The following TRPC4AP variants were observed in gnomAD, a reference collection of about 807,000 sequenced individuals.
TRPC4AP encodes the protein short transient receptor potential channel 4-associated protein.
TRPC4AP carries 45 observed loss-of-function variants against 99.0 expected under a neutral mutation model. That is an observed-to-expected ratio of 0.45 (90% CI 0.36 to 0.58). The LOEUF is 0.58. Ranked by LOEUF, TRPC4AP falls within the 20% of genes least tolerant of loss-of-function variation. The pLI is 0.00. For missense variants in TRPC4AP, 879 were observed against 985.3 expected (o/e 0.89, Z 1.44); for synonymous variants, 408 against 385.8 (o/e 1.06, Z -0.67).
At chr20:35,014,920 A>C (rs1173515486) in intron 10 of TRPC4AP, among the ~76,000 whole-genome samples, 1 of 152,208 alleles carries the variant, frequency 6.6e-6, no homozygotes, top group Non-Finnish European at 1.5e-5. Flanking sequence ...CAAGCCTTCC[A>C]ATGTCCTGTT....
chr20:35,006,704 C>T (rs1042507848), intron 14 of TRPC4AP, 129 bp from the exon 15 acceptor site: 8 of 1,258,142 alleles, frequency 6.4e-6, no homozygotes, highest in Non-Finnish European at 7.6e-6. Flanking sequence ...TGTCTAGATT[C>T]TTGTCTGAGG....
chr20:35,039,361 A>G (rs1427499812), intron 7 of TRPC4AP, among the ~76,000 whole-genome samples: 1 of 152,226 alleles, frequency 6.6e-6, no homozygotes, highest in Non-Finnish European at 1.5e-5. Flanking sequence ...TGAAAAGCTA[A>G]TAAAAGCTAA....
At chr20:35,083,053 G>A (rs4911465) in intron 1 of TRPC4AP, among the ~76,000 whole-genome samples, 110,425 of 152,004 alleles carry the variant, frequency 0.73, 40,430 homozygotes, top group Middle Eastern at 0.83. Context: ...ATTGGTAAGG[G>A]TAAGATAAAA....
intron 2 of TRPC4AP, among the ~76,000 whole-genome samples, chr20:35,070,639 C>A (rs1249882737): frequency 1.3e-5 from 2 of 152,142 alleles, no homozygotes; most frequent in African/African-American, 4.8e-5. Context: ...ACCTTGTGAT[C>A]CACCCGCCTC....
intron 1 of TRPC4AP, among the ~76,000 whole-genome samples, chr20:35,090,223 G>A (rs1339748942): frequency 2.0e-5 from 3 of 149,156 alleles, no homozygotes; most frequent in Non-Finnish European, 4.4e-5. Flanking sequence ...GAAAGATGAA[G>A]GTCCCCATTT....
intron 2 of TRPC4AP, among the ~76,000 whole-genome samples, chr20:35,076,131 A>G (rs1437719359): frequency 6.6e-6 from 1 of 152,056 alleles, no homozygotes; most frequent in Non-Finnish European, 1.5e-5. Flanking sequence ...GGTCTTTTCT[A>G]TGCTGTTTAT....
chr20:35,027,427 C>T (rs1262610278), intron 8 of TRPC4AP, among the ~76,000 whole-genome samples: 2 of 152,178 alleles, frequency 1.3e-5, no homozygotes, highest in Non-Finnish European at 2.9e-5. Context: ...TGTTGCTATA[C>T]TTGGTGTGCT....
At chr20:35,010,454 G>A (rs2082609161) in intron 11 of TRPC4AP, among the ~76,000 whole-genome samples, 166 bp from the exon 12 acceptor site, 1 of 152,116 alleles carries the variant, frequency 6.6e-6, no homozygotes, top group South Asian at 2.1e-4. Context: ...CTGCAGGAGG[G>A]AACTCTGGGC....
At chr20:35,043,247 A>ATTTTT (rs1167449495) in intron 7 of TRPC4AP, among the ~76,000 whole-genome samples, 3 of 142,862 alleles carry the variant, frequency 2.1e-5, no homozygotes, top group Admixed American at 7.1e-5. Flanking sequence ...GCAATGAATA[A>ATTTTT]TTTTTTTTTT....
At chr20:35,088,979 A>C (rs2084962997) in intron 1 of TRPC4AP, among the ~76,000 whole-genome samples, 1 of 152,106 alleles carries the variant, frequency 6.6e-6, no homozygotes, top group Non-Finnish European at 1.5e-5. Context: ...GCAAGATGAA[A>C]AAGTTCTGGA....
At chr20:35,014,633 T>C (rs767726805) in intron 10 of TRPC4AP, among the ~76,000 whole-genome samples, 28 of 152,058 alleles carry the variant, frequency 1.8e-4, no homozygotes, top group Non-Finnish European at 3.7e-4. Flanking sequence ...ACAGAACATC[T>C]AGAAATGCAA....
chr20:35,035,218 A>G lies in TRPC4AP; in HGVS notation c.956T>C (p.Leu319Pro). The change falls in exon 8 of 19, where the codon CTT becomes CCT. Residue 319 changes from leucine to proline, a missense_variant. By Grantham distance (98) the Leu-to-Pro change is moderately conservative. This residue lies in a region of TRPC4AP where 603 missense variants were observed against 631.8 expected (regional missense o/e 0.95). Coordinates refer to ENST00000252015, the MANE Select transcript of TRPC4AP (RefSeq NM_015638.3). The part of the protein sequence containing the change: ...VSESTGTASF[L>P]QELEEWYTWL... Reference sequence around the variant, plus strand: ...TGTGTACCACTCTTCCAACTCCTGAAGGAAGCTGGCTGTGCCCGTTGACTC... The same window carrying G: ...TGTGTACCACTCTTCCAACTCCTGAGGGAAGCTGGCTGTGCCCGTTGACTC... 6.2e-7 allele frequency: 1 copy of G among 1,614,148 alleles called. No individual in the cohort carries two copies. The highest frequency in any genetic ancestry group is 1.3e-5 in the African/African-American group (1 of 75,036).
At chr20:35,032,695 A>G (rs529388586) in intron 8 of TRPC4AP, among the ~76,000 whole-genome samples, 1 of 146,966 alleles carries the variant, frequency 6.8e-6, no homozygotes, top group African/African-American at 2.5e-5. Flanking sequence ...GATAGTCTCG[A>G]TCTCCTGACC....
intron 8 of TRPC4AP, 50 bp downstream of exon 8, chr20:35,035,073 G>C (rs766069229): frequency 1.9e-6 from 3 of 1,552,770 alleles, no homozygotes; most frequent in Non-Finnish European, 2.6e-6. Flanking sequence ...AATGGTCCCA[G>C]GCGCCCAAGG....
intron 10 of TRPC4AP, among the ~76,000 whole-genome samples, chr20:35,015,567 A>G (rs2082735164): frequency 1.3e-5 from 2 of 151,072 alleles, no homozygotes; most frequent in Admixed American, 1.3e-4. Context: ...GGTTCAAGCA[A>G]TTCTGGTGCC....
intron 12 of TRPC4AP, among the ~76,000 whole-genome samples, chr20:35,009,226 G>C (rs1413137463): frequency 6.6e-6 from 1 of 152,208 alleles, no homozygotes; most frequent in Non-Finnish European, 1.5e-5. Flanking sequence ...GCCCCGTCAT[G>C]GGGGAAGGAA....
intron 3 of TRPC4AP, among the ~76,000 whole-genome samples, chr20:35,068,110 G>A (rs6060202): frequency 6.6e-6 from 1 of 152,188 alleles, no homozygotes; most frequent in African/African-American, 2.4e-5. Context: ...GTTTGTGGAA[G>A]GGGGCTTCTG....
chr20:35,004,426 T>C, intron 17 of TRPC4AP, 32 bp downstream of exon 17: 1 of 1,585,280 alleles, frequency 6.3e-7, no homozygotes, highest in African/African-American at 1.3e-5. Context: ...CCAATCGACC[T>C]TCCCTGCTGT....
At chr20:35,059,968 C>A (rs2083953435) in intron 3 of TRPC4AP, among the ~76,000 whole-genome samples, 2 of 151,836 alleles carry the variant, frequency 1.3e-5, no homozygotes, top group Admixed American at 6.6e-5. Context: ...ATCTGAACAG[C>A]CCTATAACAA....
Sources: gnomAD v4.1 joint callset for allele counts (sites outside exome capture counted in the v4.1 genomes callset) on GRCh38, gnomAD v4.1.1 for gene constraint, gnomAD v4.1.1 regional missense constraint, MANE v1.5 for transcripts, NCBI Gene and HGNC (gene_info 2026-07-23, HGNC 2026-07-21) for gene names.